DMD: variants seen among roughly 807,000 people sequenced by gnomAD.
The protein encoded by DMD is mutant dystrophin.
Under a neutral mutation model 330.1 loss-of-function variants are expected in DMD, and 63 were observed. The observed-to-expected ratio is 0.19, with a 90% CI of 0.16 to 0.24. DMD has a LOEUF of 0.24. Ranked by LOEUF, DMD falls within the 10% of genes least tolerant of loss-of-function variation. The pLI is 1.00. For synonymous variants in DMD, 1,223 were observed against 959.8 expected, an observed-to-expected ratio of 1.27 and a Z score of -5.07; for missense variants, 3,344 against 2,684.1, an observed-to-expected ratio of 1.25 and a Z score of -5.43.
chrX:31,677,413 C>T (rs2082141096), intron 53 of DMD, among the ~76,000 whole-genome samples: 4 of 111,960 alleles, frequency 3.6e-5, no homozygotes, highest in African/African-American at 6.5e-5. Flanking sequence ...GTCCAAACTT[C>T]GTATTTTCTG....
chrX:31,233,590 A>G lies in DMD; in HGVS notation c.9287-10469T>C, dbSNP rs181455456. On this transcript the variant is annotated intron_variant, in intron 63 of 78. Coordinates refer to ENST00000357033, the MANE Select transcript of DMD (RefSeq NM_004006.3). ...TTTTGAATTTATCACTCTCTCTTAC[A>G]GTTGAAAAATTTGTGGAAAGCGTAT... is the stretch of plus-strand genomic sequence containing the variant. Among the ~76,000 whole-genome samples the G allele has an allele frequency of 7.2e-5, 8 of 111,790 alleles. No individual in the cohort carries two copies. In the East Asian group the frequency reaches 2.2e-3, roughly 31 times the overall value.
intron 11 of DMD, among the ~76,000 whole-genome samples, chrX:32,622,988 G>A (rs185516129): frequency 1.8e-5 from 2 of 111,618 alleles, no homozygotes; most frequent in Non-Finnish European, 3.8e-5. Context: ...GTATGTGTTC[G>A]ATCTATTAGT....
In DMD at chrX:32,076,785, C is replaced by T. The variant is rs970434237; in HGVS notation, c.6439-108271G>A. ...GTCTTGTCTGCCTCACTCTCAGATT[C>T]ATAAACCATGGGAGGGGCCTAGGAA... On this transcript the variant is annotated intron_variant, in intron 44 of 78. Coordinates refer to ENST00000357033, the MANE Select transcript of DMD (RefSeq NM_004006.3). Among the ~76,000 whole-genome samples, 8 of 111,518 alleles carry T rather than the reference C, an allele frequency of 7.2e-5. No homozygotes were observed. The Admixed American group carries it at 7.6e-4, about 11-fold the overall frequency.
At chrX:31,368,934 C>T (rs2059402601) in intron 60 of DMD, among the ~76,000 whole-genome samples, 1 of 111,615 alleles carries the variant, frequency 9.0e-6, no homozygotes, top group Admixed American at 9.5e-5. Context: ...GCATGAGCCA[C>T]CATGCCCGGC....
intron 41 of DMD, among the ~76,000 whole-genome samples, chrX:32,337,556 A>G (rs1045713306): frequency 1.8e-5 from 2 of 110,228 alleles, no homozygotes; most frequent in Non-Finnish European, 3.8e-5. Flanking sequence ...TCATGTATGT[A>G]TACATATTTC....
chrX:31,823,456 G>T (rs764424431), intron 49 of DMD, among the ~76,000 whole-genome samples: 1 of 112,175 alleles, frequency 8.9e-6, no homozygotes, highest in East Asian at 2.8e-4. Flanking sequence ...AAAAGAGAAA[G>T]AGATAAATAA....
intron 55 of DMD, among the ~76,000 whole-genome samples, chrX:31,520,285 C>T (rs907443187): frequency 8.1e-5 from 9 of 110,684 alleles, no homozygotes; most frequent in African/African-American, 2.6e-4. Flanking sequence ...GGGTGGCTTC[C>T]CCCATGCTGT....
At chrX:32,055,180 A>G (rs1040873714) in intron 44 of DMD, among the ~76,000 whole-genome samples, 1 of 111,241 alleles carries the variant, frequency 9.0e-6, no homozygotes, top group African/African-American at 3.3e-5. Context: ...CTTATATCAG[A>G]CTCAATCTCC....
At chrX:32,033,823 C>T (rs946347775) in intron 44 of DMD, among the ~76,000 whole-genome samples, 7 of 111,398 alleles carry the variant, frequency 6.3e-5, no homozygotes, top group Admixed American at 4.8e-4. Flanking sequence ...TGACTTTATA[C>T]CTTATAAATA....
At chrX:32,782,837 C>T (rs1884274) in intron 7 of DMD, among the ~76,000 whole-genome samples, 1 of 107,161 alleles carries the variant, frequency 9.3e-6, no homozygotes, top group Admixed American at 1.0e-4. Context: ...TTGTATGCCT[C>T]TATCAAAACA....
At chrX:32,047,853 A>G (rs2096074725) in intron 44 of DMD, among the ~76,000 whole-genome samples, 1 of 110,724 alleles carries the variant, frequency 9.0e-6, no homozygotes, top group Admixed American at 9.7e-5. Flanking sequence ...CAATTCATAC[A>G]TTGACATTCT....
chrX:31,755,613 TA>T lies in DMD; in HGVS notation c.7542+18346del, dbSNP rs751485793. 3.6e-3 allele frequency among the ~76,000 whole-genome samples: 400 copies of T among 111,519 alleles called. 1 individual carries two copies. Among genetic ancestry groups the T allele is most frequent in the African/African-American group, 0.012 (368 of 30,691 alleles). ...AATAGTGTTGATCTAGGGCAATTCA[TA>T]ACACCACGTAAGCCACAAATTTTAA... On this transcript the variant is annotated intron_variant, in intron 51 of 78. Coordinates refer to ENST00000357033, the MANE Select transcript of DMD (RefSeq NM_004006.3).
chrX:32,268,398 A>G (rs1328831742), intron 43 of DMD, among the ~76,000 whole-genome samples: 1 of 111,946 alleles, frequency 8.9e-6, no homozygotes, highest in East Asian at 2.8e-4. Flanking sequence ...CAAGAGTTGA[A>G]ATATAAACAC....
intron 1 of DMD, among the ~76,000 whole-genome samples, chrX:33,290,864 T>C (rs1484932128): frequency 8.9e-6 from 1 of 111,737 alleles, no homozygotes; most frequent in Non-Finnish European, 1.9e-5. Context: ...ATAAAAAGAT[T>C]ACAACTTTTG....
At chrX:31,310,176 C>CCTCT (rs3032536) in intron 62 of DMD, among the ~76,000 whole-genome samples, 22 of 91,547 alleles carry the variant, frequency 2.4e-4, no homozygotes, top group East Asian at 1.4e-3. Context: ...TCTTCGTTGT[C>CCTCT]CTCTCTCTCT....
intron 60 of DMD, among the ~76,000 whole-genome samples, chrX:31,390,201 T>G (rs181545298): frequency 2.7e-5 from 3 of 109,741 alleles, no homozygotes; most frequent in African/African-American, 9.9e-5. Context: ...TTCACATCCT[T>G]GAATTCTGAG....
intron 7 of DMD, among the ~76,000 whole-genome samples, chrX:32,797,199 C>A (rs758974255): frequency 4.5e-5 from 5 of 110,568 alleles, no homozygotes; most frequent in African/African-American, 1.7e-4. Flanking sequence ...CATAGCTCAC[C>A]GCAGCCTTGA....
intron 55 of DMD, among the ~76,000 whole-genome samples, chrX:31,566,742 T>C (rs893778975): frequency 1.8e-5 from 2 of 111,961 alleles, no homozygotes; most frequent in African/African-American, 6.5e-5. Context: ...TGCCATATAA[T>C]CCACTTATTT....
At chrX:31,999,747 C>G (rs762546381) in intron 44 of DMD, among the ~76,000 whole-genome samples, 1 of 111,679 alleles carries the variant, frequency 9.0e-6, no homozygotes, top group African/African-American at 3.2e-5. Flanking sequence ...TGGTAGTGAA[C>G]GTGGCAGTGG....
Sources: gnomAD v4.1 joint callset for allele counts (sites outside exome capture counted in the v4.1 genomes callset) on GRCh38, gnomAD v4.1.1 for gene constraint, MANE v1.5 for transcripts, NCBI Gene and HGNC (gene_info 2026-07-23, HGNC 2026-07-21) for gene names.